The following DOP1B variants were observed in gnomAD, a reference collection of about 807,000 sequenced individuals.
The protein encoded by DOP1B is protein DOP1B.
In DOP1B, 174 loss-of-function variants were observed where a neutral mutation model predicts 233.5. That is an observed-to-expected ratio of 0.75 (90% CI 0.66 to 0.85). DOP1B has a LOEUF of 0.85. Among genes scored for constraint, DOP1B ranks in the 40% least tolerant of loss-of-function variants. The probability of loss-of-function intolerance (pLI) is 0.00; values close to 1 mark genes in which losing one functional copy is unlikely to be tolerated. For synonymous variants in DOP1B, 1,190 were observed against 1,185.6 expected (o/e 1.00, Z -0.08); for missense variants, 2,652 against 2,846.6 (o/e 0.93, Z 1.56).
intron 14 of DOP1B, among the ~76,000 whole-genome samples, chr21:36,231,885 C>T (rs1358699499): frequency 2.7e-5 from 4 of 147,042 alleles, no homozygotes; most frequent in South Asian, 2.1e-4. Context: ...CTTGCTCTGT[C>T]GCCAGGCTGG....
chr21:36,179,457 C>T (rs2066069993), intron 2 of DOP1B, among the ~76,000 whole-genome samples: 1 of 152,180 alleles, frequency 6.6e-6, no homozygotes, highest in Non-Finnish European at 1.5e-5. Context: ...ATTAGAAAAT[C>T]AGTAAGTGGT....
At chr21:36,207,432 G>C (rs1009131075) in intron 4 of DOP1B, among the ~76,000 whole-genome samples, 6 of 150,846 alleles carry the variant, frequency 4.0e-5, no homozygotes, top group African/African-American at 1.5e-4. Context: ...TGATCCACCC[G>C]CCTCAGCCTC....
intron 20 of DOP1B, 34 bp from the exon 21 acceptor site, chr21:36,248,346 A>G (rs763066848): frequency 6.2e-7 from 1 of 1,605,784 alleles, no homozygotes; most frequent in South Asian, 1.1e-5. Flanking sequence ...TTCCACAGAC[A>G]CAGCCTGCCT....
intron 10 of DOP1B, 115 bp downstream of exon 10, chr21:36,219,607 CA>C: frequency 7.1e-7 from 1 of 1,399,088 alleles, no homozygotes; most frequent in Non-Finnish European, 9.7e-7. Context: ...AGAGATGCAG[CA>C]GGTGAGACCA....
rs1569028969 is a variant in DOP1B, at chr21:36,219,506, C to T, written c.1250+14C>T. On this transcript the variant is annotated intron_variant, in intron 10 of 36. Transcript: ENST00000691173. ...TTCGCTGATAAGGTATGGGTTTGGCCTTGAACCTCACGCATCTCTCTCCCT... is the reference window on the plus strand; with the variant it reads ...TTCGCTGATAAGGTATGGGTTTGGCTTTGAACCTCACGCATCTCTCTCCCT... 6.2e-7 allele frequency: 1 copy of T among 1,612,916 alleles called. No individual in the cohort carries two copies. Among genetic ancestry groups the T allele is most frequent in the East Asian group, 2.2e-5 (1 of 44,830 alleles).
Position 36,223,238 on chromosome 21 carries a change from A to G in DOP1B, c.1258A>G (p.Lys420Glu). ...QSGNSLISAI[K>E]ENRNASEIVK... The stretch of plus-strand genomic sequence containing the variant: ...TGTCCTCCCCTTTTACAGTGCAATC[A>G]AGGAAAACAGAAATGCCTCTGAGAT... The change falls in exon 11 of 37, where the codon AAG becomes GAG. Residue 420 changes from lysine (K) to glutamate (E), a missense_variant. Lys to Glu is a moderately conservative substitution (Grantham distance 56). This residue lies in a region of DOP1B where 2,617 missense variants were observed against 2,794.3 expected (regional missense o/e 0.94). Coordinates refer to ENST00000691173, the MANE Select transcript of DOP1B (RefSeq NM_001320714.2). 1 of 1,600,838 alleles carries G rather than the reference A, an allele frequency of 6.2e-7. No homozygotes were observed. The highest frequency in any genetic ancestry group is 1.7e-4 in the Middle Eastern group (1 of 6,038).
intron 2 of DOP1B, among the ~76,000 whole-genome samples, chr21:36,188,537 T>G (rs1175806067): frequency 2.0e-5 from 3 of 152,236 alleles, no homozygotes; most frequent in East Asian, 3.8e-4. Context: ...TGGCAGGTGC[T>G]TCACTGAGCG....
At chr21:36,209,212 C>T (rs1394178405) in intron 5 of DOP1B, among the ~76,000 whole-genome samples, 2 of 152,176 alleles carry the variant, frequency 1.3e-5, no homozygotes, top group Admixed American at 1.3e-4. Context: ...AGCTTCGCCT[C>T]CCGGGTTCAA....
chr21:36,233,085 A>G lies in DOP1B; in HGVS notation c.2622+10A>G, dbSNP rs1257527933. ...AACAGATTTCTATCAGGTATTTCCC[A>G]CTGGGAACACTCTTCTTATGGCCTC... is the stretch of plus-strand genomic sequence containing the variant. On this transcript the variant is annotated intron_variant, in intron 15 of 36. Coordinates refer to ENST00000691173, the MANE Select transcript of DOP1B (RefSeq NM_001320714.2). The G allele has an allele frequency of 6.2e-7, 1 of 1,613,138 alleles. No individual in the cohort carries two copies. Among genetic ancestry groups the G allele is most frequent in the Non-Finnish European group, 8.5e-7 (1 of 1,179,492 alleles).
Position 36,293,825 on chromosome 21 carries a change from A to T in DOP1B, c.*254A>T. On this transcript the variant is annotated 3_prime_UTR_variant, in exon 37 of 37. Coordinates refer to ENST00000691173, the MANE Select transcript of DOP1B (RefSeq NM_001320714.2). ...TGGTGAGACCCTGTCTCTACTAAAA[A>T]TACAAAAATTAGCTGGGTGTGGTGG... The T allele has an allele frequency of 2.7e-6, 1 of 373,306 alleles. No homozygotes were observed. The highest frequency in any genetic ancestry group is 5.0e-6 in the Non-Finnish European group (1 of 201,608). 23.1% of individuals were successfully genotyped at this position (373,306 alleles called of 1,614,324 possible).
At chr21:36,157,195 G>T (rs2065827657) in intron 1 of DOP1B, among the ~76,000 whole-genome samples, 1 of 152,056 alleles carries the variant, frequency 6.6e-6, no homozygotes, top group Admixed American at 6.5e-5. Context: ...GACTGGGTGG[G>T]GTCCCCTAGG....
At chr21:36,176,566 T>C (rs577720341) in intron 2 of DOP1B, among the ~76,000 whole-genome samples, 1 of 152,000 alleles carries the variant, frequency 6.6e-6, no homozygotes, top group Non-Finnish European at 1.5e-5. Context: ...ACCGTGAGGG[T>C]GGAGGTGGCC....
Position 36,246,407 on chromosome 21 carries a change from T to C in DOP1B, c.4427T>C (p.Leu1476Pro), listed in dbSNP as rs758772280. 8 of 1,613,332 alleles carry C rather than the reference T, an allele frequency of 5.0e-6. No individual in the cohort carries two copies. Among genetic ancestry groups the C allele is most frequent in the Non-Finnish European group, 6.8e-6 (8 of 1,179,802 alleles). ...CTGTCCCGGGAGTGGCAGAGAGCCCTGAACTTCCAGCAGGCCATCAGCGCC... is the reference window on the plus strand; with the variant it reads ...CTGTCCCGGGAGTGGCAGAGAGCCCCGAACTTCCAGCAGGCCATCAGCGCC... ...PDLSREWQRA[L>P]NFQQAISALQ... is the part of the protein sequence containing the mutation. Residue 1476 changes from leucine to proline, a missense_variant, in exon 19 of 37, where the codon CTG (leucine) becomes CCG (proline). Physicochemically the swap from Leu to Pro is moderately conservative, Grantham distance 98. This residue lies in a region of DOP1B where 2,617 missense variants were observed against 2,794.3 expected (regional missense o/e 0.94). Coordinates refer to ENST00000691173, the MANE Select transcript of DOP1B (RefSeq NM_001320714.2). This position sits in a 1 kb window ranked among gnomAD's most constrained non-coding sequence, Gnocchi z 5.1.
intron 22 of DOP1B, among the ~76,000 whole-genome samples, chr21:36,252,641 G>A (rs1340040724): frequency 1.3e-5 from 2 of 151,570 alleles, no homozygotes; most frequent in African/African-American, 4.8e-5. Context: ...AGCCTCCTGA[G>A]CAGCTGGGAT....
intron 26 of DOP1B, among the ~76,000 whole-genome samples, chr21:36,265,769 A>T (rs1264122806): frequency 5.3e-5 from 8 of 152,024 alleles, no homozygotes; most frequent in Non-Finnish European, 1.0e-4. Context: ...GCGACACCCT[A>T]TGCTTCTTCC....
intron 1 of DOP1B, among the ~76,000 whole-genome samples, chr21:36,163,797 G>A (rs532042518): frequency 1.7e-4 from 26 of 152,358 alleles, no homozygotes; most frequent in East Asian, 7.7e-4. Flanking sequence ...GGGTTGGCAT[G>A]TGGTGCCTTC....
At chr21:36,202,998 A>G (rs547329068) in intron 4 of DOP1B, among the ~76,000 whole-genome samples, 1 of 152,394 alleles carries the variant, frequency 6.6e-6, no homozygotes, top group Non-Finnish European at 1.5e-5. Flanking sequence ...AGATGAACAC[A>G]TTAGTTCCCT....
chr21:36,189,168 G>T (rs1158009536), intron 2 of DOP1B, among the ~76,000 whole-genome samples: 2 of 152,148 alleles, frequency 1.3e-5, no homozygotes, highest in African/African-American at 4.8e-5. Flanking sequence ...CTTGGGTGGA[G>T]CAACAGTGAC....
At chr21:36,167,465 G>A (rs968169086) in intron 2 of DOP1B, among the ~76,000 whole-genome samples, 4 of 152,138 alleles carry the variant, frequency 2.6e-5, no homozygotes, top group South Asian at 2.1e-4. Flanking sequence ...ATGAGCCACC[G>A]TGCCCAGCCG....
Sources: gnomAD v4.1 joint callset for allele counts (sites outside exome capture counted in the v4.1 genomes callset) on GRCh38, gnomAD v4.1.1 for gene constraint, gnomAD v4.1.1 regional missense constraint, Gnocchi (gnomAD v3.1) non-coding constraint, MANE v1.5 for transcripts, NCBI Gene and HGNC (gene_info 2026-07-23, HGNC 2026-07-21) for gene names.